Variants in DIAPH3 observed in about 807,000 individuals in gnomAD.
The protein encoded by DIAPH3 is protein diaphanous homolog 3.
In DIAPH3, 117 loss-of-function variants were observed where a neutral mutation model predicts 144.3. The observed-to-expected ratio is 0.81, with a 90% CI of 0.70 to 0.95. The LOEUF is 0.95. Among genes scored for constraint, DIAPH3 ranks in the 40% least tolerant of loss-of-function variants. The pLI is 0.00. For synonymous variants in DIAPH3, 519 were observed against 488.9 expected (o/e 1.06, Z -0.81); for missense variants, 1,421 against 1,412.7 (o/e 1.01, Z -0.09).
chr13:59,957,939 G>A (rs887307618), intron 17 of DIAPH3, among the ~76,000 whole-genome samples: 7 of 152,074 alleles, frequency 4.6e-5, no homozygotes, highest in Non-Finnish European at 1.0e-4. Flanking sequence ...AAAATAATTG[G>A]TTCTCTAATC....
intron 24 of DIAPH3, among the ~76,000 whole-genome samples, chr13:59,819,764 T>TAAAA (rs35803459): frequency 8.8e-5 from 13 of 147,368 alleles, no homozygotes; most frequent in Admixed American, 5.4e-4. Context: ...TTAGAAGTTG[T>TAAAA]AAAAAAAAAA....
At chr13:59,678,592 C>A (rs145595130) in intron 27 of DIAPH3, among the ~76,000 whole-genome samples, 1 of 152,144 alleles carries the variant, frequency 6.6e-6, no homozygotes, top group Non-Finnish European at 1.5e-5. Context: ...CCAGCAAACA[C>A]CGTGAGCATG....
chr13:60,015,541 T>G (rs947383408), intron 7 of DIAPH3, among the ~76,000 whole-genome samples: 1 of 151,942 alleles, frequency 6.6e-6, no homozygotes, highest in African/African-American at 2.4e-5. Context: ...CGCCGTACTT[T>G]TGAGAGTTAG....
chr13:59,872,608 A>T (rs1048807078), intron 21 of DIAPH3, among the ~76,000 whole-genome samples: 4 of 152,264 alleles, frequency 2.6e-5, no homozygotes, highest in Admixed American at 6.5e-5. Context: ...AAAAATGTAG[A>T]AACAATGCAG....
chr13:59,894,868 T>G (rs933155763), intron 20 of DIAPH3, among the ~76,000 whole-genome samples: 1 of 151,838 alleles, frequency 6.6e-6, no homozygotes, highest in African/African-American at 2.4e-5. Flanking sequence ...GAGAGCTACT[T>G]AAAAAGGAAA....
At chr13:59,933,801 GTC>G (rs1424762814) in intron 17 of DIAPH3, among the ~76,000 whole-genome samples, 4 of 152,116 alleles carry the variant, frequency 2.6e-5, no homozygotes, top group African/African-American at 7.2e-5. Context: ...AACTGAAAAA[GTC>G]TCTTTTAATT....
At chr13:59,890,188 T>C (rs762838170) in intron 20 of DIAPH3, among the ~76,000 whole-genome samples, 1 of 152,094 alleles carries the variant, frequency 6.6e-6, no homozygotes, top group Non-Finnish European at 1.5e-5. Flanking sequence ...CGTGGACTAC[T>C]GGAGTTCCTT....
At chr13:60,133,102 G>T in intron 1 of DIAPH3, 113 bp from the exon 2 acceptor site, 1 of 727,770 alleles carries the variant, frequency 1.4e-6, no homozygotes, top group Non-Finnish European at 2.3e-6. Context: ...TTAAATTTCT[G>T]ACAGTCCAAT....
At chr13:59,894,067 A>G (rs542569725) in intron 20 of DIAPH3, among the ~76,000 whole-genome samples, 1 of 152,228 alleles carries the variant, frequency 6.6e-6, no homozygotes, top group South Asian at 2.1e-4. Context: ...GCTTTATTTC[A>G]AGCCATTGAT....
intron 1 of DIAPH3, among the ~76,000 whole-genome samples, chr13:60,159,700 G>C (rs914614372): frequency 3.3e-5 from 5 of 151,842 alleles, no homozygotes; most frequent in Non-Finnish European, 7.4e-5. Flanking sequence ...TCAGCCTCAT[G>C]AACTGGCAGC....
chr13:60,055,628 C>A (rs191340182), intron 4 of DIAPH3, among the ~76,000 whole-genome samples: 1 of 151,872 alleles, frequency 6.6e-6, no homozygotes, highest in Admixed American at 6.6e-5. Context: ...GAAAAAAAGA[C>A]AATATCTCTA....
intron 4 of DIAPH3, among the ~76,000 whole-genome samples, chr13:60,061,742 CA>C (rs1479092695): frequency 6.6e-6 from 1 of 152,022 alleles, no homozygotes; most frequent in East Asian, 1.9e-4. Context: ...GTCTCTCAAA[CA>C]ATCTAACTCT....
At chr13:59,881,875 G>T (rs2045075132) in intron 20 of DIAPH3, among the ~76,000 whole-genome samples, 1 of 152,074 alleles carries the variant, frequency 6.6e-6, no homozygotes, top group Non-Finnish European at 1.5e-5. Context: ...ATCAGTATTT[G>T]ACTATTATTG....
At chr13:59,944,820 C>T (rs1288609425) in intron 17 of DIAPH3, among the ~76,000 whole-genome samples, 1 of 151,640 alleles carries the variant, frequency 6.6e-6, no homozygotes. Flanking sequence ...TCCTTTATAC[C>T]TCCTTTTAGA....
chr13:59,728,975 GC>G (rs1445355782), intron 27 of DIAPH3, among the ~76,000 whole-genome samples: 156 of 152,270 alleles, frequency 1.0e-3, no homozygotes, highest in African/African-American at 3.7e-3. Context: ...GCACCACGAA[GC>G]CTCCTAGCTA....
intron 5 of DIAPH3, among the ~76,000 whole-genome samples, chr13:60,019,695 A>C (rs2053880624): frequency 1.3e-5 from 2 of 152,250 alleles, no homozygotes; most frequent in South Asian, 4.1e-4. Flanking sequence ...AAAGCAGCTT[A>C]GACTTTGAAA....
intron 18 of DIAPH3, among the ~76,000 whole-genome samples, chr13:59,920,403 T>G (rs2047450205): frequency 6.6e-6 from 1 of 151,820 alleles, no homozygotes; most frequent in East Asian, 1.9e-4. Flanking sequence ...TAGCTATATT[T>G]ACATCAGATA....
At chr13:60,094,553 C>T (rs560446831) in intron 3 of DIAPH3, among the ~76,000 whole-genome samples, 5 of 152,110 alleles carry the variant, frequency 3.3e-5, no homozygotes, top group African/African-American at 1.2e-4. Flanking sequence ...TGAATTTCCT[C>T]GTGAACTTAG....
intron 4 of DIAPH3, among the ~76,000 whole-genome samples, chr13:60,078,663 A>G (rs1188633399): frequency 6.6e-6 from 1 of 152,050 alleles, no homozygotes; most frequent in African/African-American, 2.4e-5. Context: ...AACTGATTTA[A>G]GAGGCAAAAT....
Sources: allele counts gnomAD v4.1 joint callset (sites outside exome capture counted in the v4.1 genomes callset), GRCh38; gene constraint gnomAD v4.1.1; transcripts MANE v1.5; gene names NCBI Gene and HGNC (gene_info 2026-07-23, HGNC 2026-07-21).